The following GARIN1A variants were observed in gnomAD, a reference collection of about 807,000 sequenced individuals.
GARIN1A encodes the protein golgi associated RAB2 interactor 1A, also known as Golgi-associated RAB2 interactor protein 1A.
the GARIN1A span, among the ~76,000 whole-genome samples, chr7:128,681,533 A>C: frequency 7.7e-6 from 1 of 129,608 alleles, no homozygotes; most frequent in Non-Finnish European, 1.6e-5. Context: ...ACAGTGTCTC[A>C]CTCTGTTGCC....
the GARIN1A span, among the ~76,000 whole-genome samples, chr7:128,696,238 G>A: frequency 5.3e-5 from 8 of 151,934 alleles, no homozygotes; most frequent in African/African-American, 9.7e-5. Flanking sequence ...AGCTGGTCTC[G>A]AACTCCTGGG....
chr7:128,694,515 G>A, the GARIN1A span, among the ~76,000 whole-genome samples: 1 of 150,206 alleles, frequency 6.7e-6, no homozygotes, highest in Non-Finnish European at 1.5e-5. Flanking sequence ...GCCTGGGCAA[G>A]AGAGTGAGAC....
At chr7:128,686,157 G>T in the GARIN1A span, 2 of 152,166 alleles carry the variant, frequency 1.3e-5, no homozygotes, top group African/African-American at 4.8e-5. Flanking sequence ...AGGTTACAGT[G>T]AGCAGAGATG....
At chr7:128,701,341 AGG>A in the GARIN1A span, among the ~76,000 whole-genome samples, 1 of 46,688 alleles carries the variant, frequency 2.1e-5, no homozygotes, top group African/African-American at 9.0e-5. Context: ...AGGGGAGGGG[AGG>A]GGGAGGGGAG....
chr7:128,672,320 C>A, the GARIN1A span: 1 of 1,277,370 alleles, frequency 7.8e-7, no homozygotes, highest in Non-Finnish European at 1.1e-6. Context: ...GGGGGCAGAT[C>A]ACATCAACAT....
the GARIN1A span, chr7:128,687,112 C>T: frequency 6.6e-6 from 1 of 152,238 alleles, no homozygotes; most frequent in Non-Finnish European, 1.5e-5. Flanking sequence ...TGCTTACTTT[C>T]TCCACATATT....
chr7:128,705,998 G>C, the GARIN1A span, among the ~76,000 whole-genome samples: 2 of 152,010 alleles, frequency 1.3e-5, no homozygotes, highest in Non-Finnish European at 2.9e-5. Context: ...ACAATTAAGA[G>C]TTGGCATTCT....
chr7:128,684,116 T>C, the GARIN1A span: 1 of 152,132 alleles, frequency 6.6e-6, no homozygotes, highest in Non-Finnish European at 1.5e-5. Context: ...ATCAGTCTGC[T>C]CAGTTGAAAC....
chr7:128,699,260 G>GCCCCCCC, the GARIN1A span, among the ~76,000 whole-genome samples: 21 of 105,114 alleles, frequency 2.0e-4, no homozygotes, highest in Non-Finnish European at 3.0e-4. Flanking sequence ...CATACCTGCT[G>GCCCCCCC]CCCCCCCCCC....
the GARIN1A span, among the ~76,000 whole-genome samples, chr7:128,699,330 C>CA: frequency 7.5e-6 from 1 of 133,466 alleles, no homozygotes; most frequent in African/African-American, 2.8e-5. Flanking sequence ...TCTTATTTAA[C>CA]AATTCATTTG....
the GARIN1A span, among the ~76,000 whole-genome samples, chr7:128,689,949 G>A: frequency 6.6e-6 from 1 of 152,064 alleles, no homozygotes; most frequent in Non-Finnish European, 1.5e-5. Context: ...TGACGATGGC[G>A]GTTTTGTGGA....
chr7:128,675,356 TCTC>T, the GARIN1A span, among the ~76,000 whole-genome samples: 1 of 152,106 alleles, frequency 6.6e-6, no homozygotes, highest in Non-Finnish European at 1.5e-5. Flanking sequence ...AGTGCTGGCT[TCTC>T]CTGCCCAAAG....
At chr7:128,676,435 G>A in the GARIN1A span, among the ~76,000 whole-genome samples, 2 of 143,830 alleles carry the variant, frequency 1.4e-5, no homozygotes, top group Non-Finnish European at 3.0e-5. Context: ...GTGTGTGTGT[G>A]TGTAAGTGTG....
chr7:128,707,250 G>A, the GARIN1A span, among the ~76,000 whole-genome samples: 36,890 of 145,104 alleles, frequency 0.25, 5,340 homozygotes, highest in East Asian at 0.62. Context: ...GTGTGTGTGT[G>A]AAGAATGTTC....
the GARIN1A span, among the ~76,000 whole-genome samples, chr7:128,692,446 C>T: frequency 7.9e-5 from 12 of 152,216 alleles, no homozygotes; most frequent in East Asian, 2.1e-3. Context: ...AAACACCACA[C>T]GGATTGGTGA....
chr7:128,682,241 C>A, the GARIN1A span, among the ~76,000 whole-genome samples: 1 of 152,176 alleles, frequency 6.6e-6, no homozygotes, highest in East Asian at 1.9e-4. Context: ...CAACCCAAGC[C>A]CTTGGTTACC....
chr7:128,701,209 T>C, the GARIN1A span, among the ~76,000 whole-genome samples: 1 of 149,728 alleles, frequency 6.7e-6, no homozygotes, highest in African/African-American at 2.5e-5. Context: ...CTGTATTCCA[T>C]AGAGGGAAAC....
At chr7:128,676,801 A>T in the GARIN1A span, among the ~76,000 whole-genome samples, 1 of 152,034 alleles carries the variant, frequency 6.6e-6, no homozygotes, top group Admixed American at 6.6e-5. Context: ...TCCAGGTCAC[A>T]CTTAATAAGA....
the GARIN1A span, chr7:128,677,434 G>C: frequency 9.7e-7 from 1 of 1,036,088 alleles, no homozygotes; most frequent in Non-Finnish European, 1.3e-6. Flanking sequence ...GTGAACCCCG[G>C]GGGCAGAGCC....
Sources: allele counts gnomAD v4.1 joint callset (sites outside exome capture counted in the v4.1 genomes callset), GRCh38; gene constraint gnomAD v4.1.1; transcripts MANE v1.5; gene names NCBI Gene and HGNC (gene_info 2026-07-23, HGNC 2026-07-21).